COL20A1: variants seen among roughly 807,000 people sequenced by gnomAD.
COL20A1 encodes collagen type XX alpha 1 chain.
In COL20A1, 164 loss-of-function variants were observed where a neutral mutation model predicts 152.9. The observed-to-expected ratio is 1.07, with a 90% CI of 0.94 to 1.22. The LOEUF (loss-of-function observed/expected upper bound fraction) is 1.22. Ranked by LOEUF, COL20A1 falls within the 50% of genes most tolerant of loss-of-function variation. COL20A1 has a pLI of 0.00. For synonymous variants in COL20A1, 864 were observed against 756.0 expected (o/e 1.14, Z -2.34); for missense variants, 1,873 against 1,744.8 (o/e 1.07, Z -1.31).
chr20:63,294,439 G>A (rs1464430227), intron 1 of COL20A1, among the ~76,000 whole-genome samples: 11 of 151,816 alleles, frequency 7.2e-5, no homozygotes, highest in Non-Finnish European at 8.8e-5. Context: ...TGAGTGGGCC[G>A]GGCCTGGTTT....
At chr20:63,301,818 T>C (rs1415773657) in intron 3 of COL20A1, among the ~76,000 whole-genome samples, 1 of 152,238 alleles carries the variant, frequency 6.6e-6, no homozygotes, top group Non-Finnish European at 1.5e-5. Flanking sequence ...CTAAGCAGCA[T>C]ATAATTGGGT....
rs75513393 is a variant in COL20A1, at chr20:63,314,059, T to C, written c.2359-13T>C. On this transcript the variant is annotated splice_polypyrimidine_tract_variant and intron_variant, in intron 18 of 35. Coordinates refer to ENST00000358894, the MANE Select transcript of COL20A1 (RefSeq NM_020882.4). Reference sequence around the variant, plus strand: ...CCCAGGAAGTGGGGACCAGGCACCCTCCCTTCTCCTAGGTCTCTGTGCCAG... The same window carrying C: ...CCCAGGAAGTGGGGACCAGGCACCCCCCCTTCTCCTAGGTCTCTGTGCCAG... 99,392 of 1,612,156 alleles carry C rather than the reference T, an allele frequency of 0.062. 3,508 individuals are homozygous for C. The highest frequency in any genetic ancestry group is 0.11 in the South Asian group (9,564 of 91,014).
intron 15 of COL20A1, 66 bp downstream of exon 15, chr20:63,312,615 A>G: frequency 1.3e-6 from 2 of 1,499,878 alleles, no homozygotes; most frequent in Non-Finnish European, 1.8e-6. Flanking sequence ...CCTGCTAGAC[A>G]GTTCACATCA....
rs6010903 is a variant in COL20A1 at position 63,328,728 on chromosome 20, A to G, written c.3781+230A>G. ...GGCCTGGCCTTCCAGGGCCCTCAAG[A>G]TGACCTCTTCCCCAGTCTTCAGGAA... is the stretch of plus-strand genomic sequence containing the variant. On this transcript the variant is annotated intron_variant, in intron 34 of 35. Transcript: ENST00000358894. Among the ~76,000 whole-genome samples the G allele has an allele frequency of 0.11, 16,515 of 152,114 alleles. 1,219 individuals are homozygous for G. The highest frequency in any genetic ancestry group is 0.21 in the African/African-American group (8,630 of 41,450).
rs747067525 is a variant in COL20A1, at chr20:63,321,039, C to T, written c.3180C>T (p.Phe1060=). Residue 1060 remains phenylalanine (F), a synonymous_variant, in exon 26 of 36, where the codon TTC becomes TTT. Coordinates refer to ENST00000358894, the MANE Select transcript of COL20A1 (RefSeq NM_020882.4). ...ASRDGETCPA[F]VSACSCSSET... is the part of the protein sequence containing the mutation. Reference sequence around the variant, plus strand: ...GGGATGGAGAGACCTGCCCCGCCTTCGTGTCTGCCTGTTCCTGTTCCTCAG... The same window carrying T: ...GGGATGGAGAGACCTGCCCCGCCTTTGTGTCTGCCTGTTCCTGTTCCTCAG... 9.4e-6 allele frequency: 15 copies of T among 1,599,148 alleles called. No individual in the cohort carries two copies. Among genetic ancestry groups the T allele is most frequent in the South Asian group, 3.4e-5 (3 of 87,932 alleles).
At chr20:63,299,790 A>AT (rs964891470) in intron 3 of COL20A1, among the ~76,000 whole-genome samples, 72 of 151,798 alleles carry the variant, frequency 4.7e-4, no homozygotes, top group African/African-American at 1.4e-3. Context: ...ACAGTGATTG[A>AT]TTTTTTAAAT....
At chr20:63,316,730 G>C in intron 21 of COL20A1, 39 bp downstream of exon 21, 1 of 1,477,486 alleles carries the variant, frequency 6.8e-7, no homozygotes, top group Middle Eastern at 1.9e-4. Flanking sequence ...GGAAGCCCAG[G>C]CTGGGGCCGC....
Position 63,328,085 on chromosome 20 carries a change from C to A in COL20A1, c.3571C>A (p.Pro1191Thr). 1.2e-6 allele frequency: 2 copies of A among 1,613,458 alleles called. No homozygotes were observed. Among genetic ancestry groups the A allele is most frequent in the Admixed American group, 1.7e-5 (1 of 60,008 alleles). The change falls in exon 33 of 36, where the codon CCG becomes ACG. Residue 1191 changes from proline to threonine, a missense_variant. By Grantham distance (38) the Pro-to-Thr change is conservative (BLOSUM62 -1). Coordinates refer to ENST00000358894, the MANE Select transcript of COL20A1 (RefSeq NM_020882.4). ...PKGERGEKGEPQSLATLYQLV... is the reference protein window; with the variant it reads ...PKGERGEKGETQSLATLYQLV... ...GCACCACCTTCCCTTCCAGGGCGAG[C>A]CGCAGTCCCTTGCCACCCTCTACCA...
rs377282900 is a variant in COL20A1 at position 63,319,177 on chromosome 20, C to T, written c.2783C>T (p.Pro928Leu). ...LWQMTAEDFQ[P>L]LLGVLLDAGK... is the part of the protein sequence containing the mutation. ...CAGATGACAGCCGAGGACTTCCAGC[C>T]CCTCCTTGGGGTTCTGCTGGATGGT... Residue 928 changes from proline to leucine, a missense_variant, in exon 22 of 36, where the codon CCC (proline) becomes CTC (leucine). Physicochemically the swap from Pro to Leu is moderately conservative, Grantham distance 98 (BLOSUM62 -3). Coordinates refer to ENST00000358894, the MANE Select transcript of COL20A1 (RefSeq NM_020882.4). This position sits in a 1 kb window ranked among gnomAD's most constrained non-coding sequence, Gnocchi z 4.4. 3.7e-6 allele frequency: 6 copies of T among 1,612,780 alleles called. No individual in the cohort carries two copies. Among genetic ancestry groups the T allele is most frequent in the African/African-American group, 1.3e-5 (1 of 74,928 alleles).
chr20:63,329,809 G>T, intron 35 of COL20A1, 148 bp downstream of exon 35: 1 of 611,682 alleles, frequency 1.6e-6, no homozygotes, highest in Non-Finnish European at 2.9e-6. Flanking sequence ...AGGTGGCCCT[G>T]GGGAAAGTAG....
At chr20:63,327,450 T>C (rs1360400518) in intron 31 of COL20A1, 4 of 177,882 alleles carry the variant, frequency 2.2e-5, no homozygotes, top group East Asian at 1.5e-4. Context: ...CCATGGAGGG[T>C]AGGGGGACAG....
At position 63,333,660 on chromosome 20, in the gene COL20A1, G is replaced by C. The variant is rs148875683; in HGVS notation, c.*2944G>C. 1 of 152,484 alleles carries C rather than the reference G, an allele frequency of 6.6e-6. No individual in the cohort carries two copies. Among genetic ancestry groups the C allele is most frequent in the East Asian group, 1.9e-4 (1 of 5,182 alleles). 9.4% of individuals were successfully genotyped at this position (152,484 alleles called of 1,614,324 possible). ...GTGGGCACAGCGCCCAGGAAGGCGGGTGCGTGCAGGCCTGGGAGGAATGTG... is the reference window on the plus strand; with the variant it reads ...GTGGGCACAGCGCCCAGGAAGGCGGCTGCGTGCAGGCCTGGGAGGAATGTG... On this transcript the variant is annotated 3_prime_UTR_variant, in exon 36 of 36. Coordinates refer to ENST00000358894, the MANE Select transcript of COL20A1 (RefSeq NM_020882.4).
chr20:63,307,269 C>T (rs1022539347), intron 5 of COL20A1, among the ~76,000 whole-genome samples: 12 of 152,234 alleles, frequency 7.9e-5, no homozygotes, highest in African/African-American at 2.9e-4. Context: ...GGCAGAGGTG[C>T]CCGAGCACCA....
At position 63,312,876 on chromosome 20, in the gene COL20A1, C is replaced by T. The variant is rs2068030146; in HGVS notation, c.2018C>T (p.Ser673Phe). The T allele has an allele frequency of 1.9e-6, 3 of 1,557,214 alleles. No homozygotes were observed. The highest frequency in any genetic ancestry group is 1.9e-5 in the Admixed American group (1 of 52,026). ...VQLAWVAAAP[S>F]GVLVYQITWT... ...CTGGCGTGGGTGGCCGCAGCCCCGT[C>T]TGGCGTGCTTGTCTACCAGATCACG... Residue 673 changes from serine (S) to phenylalanine (F), a missense_variant, in exon 16 of 36, where the codon TCT becomes TTT. By Grantham distance (155) the Ser-to-Phe change is radical (BLOSUM62 -2). Transcript: ENST00000358894.
At chr20:63,298,471 T>G (rs1375907334) in intron 3 of COL20A1, among the ~76,000 whole-genome samples, 1 of 151,938 alleles carries the variant, frequency 6.6e-6, no homozygotes, top group African/African-American at 2.4e-5. Context: ...TTGTATTTTT[T>G]GTGGAGAAGA....
At chr20:63,314,264 G>C in intron 19 of COL20A1, 63 bp downstream of exon 19, 2 of 1,439,542 alleles carry the variant, frequency 1.4e-6, no homozygotes, top group Non-Finnish European at 1.9e-6. Flanking sequence ...CTAGACCCCA[G>C]ACCCTGCCAG....
intron 21 of COL20A1, among the ~76,000 whole-genome samples, 154 bp downstream of exon 21, chr20:63,316,845 C>T (rs895831349): frequency 2.0e-5 from 3 of 152,242 alleles, no homozygotes; most frequent in Non-Finnish European, 4.4e-5. Context: ...TGACTCACCC[C>T]AGTACTCACA....
chr20:63,301,602 A>C (rs1342995482), intron 3 of COL20A1, among the ~76,000 whole-genome samples: 1 of 152,226 alleles, frequency 6.6e-6, no homozygotes, highest in African/African-American at 2.4e-5. Flanking sequence ...TATTGGGTAC[A>C]TACAAACTTA....
At chr20:63,320,491 G>T in intron 25 of COL20A1, 123 bp downstream of exon 25, 1 of 958,544 alleles carries the variant, frequency 1.0e-6, no homozygotes, top group Non-Finnish European at 1.6e-6. Flanking sequence ...GATCAGGGAA[G>T]GCTTTCAGAG....
Sources: gnomAD v4.1 joint callset for allele counts (sites outside exome capture counted in the v4.1 genomes callset) on GRCh38, gnomAD v4.1.1 for gene constraint, Gnocchi (gnomAD v3.1) non-coding constraint, MANE v1.5 for transcripts, NCBI Gene and HGNC (gene_info 2026-07-23, HGNC 2026-07-21) for gene names.